Variants in EPHA4 observed in about 807,000 individuals in gnomAD.
EPHA4 encodes ephrin type-A receptor 4.
EPHA4 carries 19 observed loss-of-function variants against 108.3 expected under a neutral mutation model. The ratio of observed to expected loss-of-function variants is 0.18; its 90% CI spans 0.12 to 0.26. The LOEUF (loss-of-function observed/expected upper bound fraction) is 0.26, where lower values mean the gene tolerates loss of function less well. Ranked by LOEUF, EPHA4 falls within the 10% of genes least tolerant of loss-of-function variation. The probability of loss-of-function intolerance (pLI) is 1.00; values close to 1 mark genes in which losing one functional copy is unlikely to be tolerated. For synonymous variants in EPHA4, 449 were observed against 455.5 expected (o/e 0.99, Z 0.18); for missense variants, 917 against 1,254.0 (o/e 0.73, Z 4.06).
intron 4 of EPHA4, among the ~76,000 whole-genome samples, chr2:221,500,376 T>G (rs1692453599): frequency 6.6e-6 from 1 of 152,206 alleles, no homozygotes; most frequent in Non-Finnish European, 1.5e-5. Context: ...AAGGCCCAAG[T>G]GTACATGAAA....
At chr2:221,479,852 T>C (rs1411766561) in intron 5 of EPHA4, among the ~76,000 whole-genome samples, 1 of 152,160 alleles carries the variant, frequency 6.6e-6, no homozygotes, top group African/African-American at 2.4e-5. Context: ...TTATTTTTAA[T>C]TTTGAACAGC....
intron 5 of EPHA4, among the ~76,000 whole-genome samples, chr2:221,463,129 C>A (rs957849251): frequency 7.2e-5 from 11 of 152,096 alleles, no homozygotes; most frequent in African/African-American, 2.7e-4. Context: ...GGTGGAGAGC[C>A]CTTTGCAGTC....
At chr2:221,450,827 T>TGA (rs1690760425) in intron 8 of EPHA4, among the ~76,000 whole-genome samples, 1 of 152,236 alleles carries the variant, frequency 6.6e-6, no homozygotes, top group African/African-American at 2.4e-5. Flanking sequence ...TCAGTAATAC[T>TGA]TTCCCTCACT....
At chr2:221,490,427 C>T (rs1235518447) in intron 4 of EPHA4, among the ~76,000 whole-genome samples, 1 of 152,026 alleles carries the variant, frequency 6.6e-6, no homozygotes, top group Non-Finnish European at 1.5e-5. Flanking sequence ...AAATTCAATG[C>T]CTGGGCTATG....
intron 13 of EPHA4, among the ~76,000 whole-genome samples, chr2:221,435,593 C>T (rs1240024985): frequency 2.6e-5 from 4 of 152,068 alleles, no homozygotes; most frequent in Non-Finnish European, 4.4e-5. Context: ...CTGTCAGCTT[C>T]GTGTTGATTT....
chr2:221,443,382 T>C, intron 10 of EPHA4, 111 bp downstream of exon 10: 2 of 719,114 alleles, frequency 2.8e-6, no homozygotes, highest in Non-Finnish European at 2.3e-6. Flanking sequence ...GGAAATTTCA[T>C]GTATATACAC....
chr2:221,437,177 G>A (rs372413514), intron 11 of EPHA4, 55 bp from the exon 12 acceptor site: 1 of 1,329,548 alleles, frequency 7.5e-7, no homozygotes, highest in Non-Finnish European at 1.1e-6. Context: ...CACTTAATGA[G>A]ATAAAAATGG....
At position 221,571,647 on chromosome 2, in the gene EPHA4, C is replaced by A. The variant is rs776261137; in HGVS notation, c.91+511G>T. 1.3e-5 allele frequency among the ~76,000 whole-genome samples: 2 copies of A among 152,144 alleles called. No homozygotes were observed. Among genetic ancestry groups the A allele is most frequent in the East Asian group, 1.9e-4 (1 of 5,166 alleles). On this transcript the variant is annotated intron_variant, in intron 1 of 17. Transcript: ENST00000281821. This position sits in a 1 kb window ranked among gnomAD's most constrained non-coding sequence, Gnocchi z 6.3. ...GGCGCCTGACGAGCGGCGCCACGAC[C>A]GCTGCGCTGCGGAGCAGGCCCCGCA...
chr2:221,428,534 A>G (rs1689979386), intron 15 of EPHA4, among the ~76,000 whole-genome samples: 1 of 152,222 alleles, frequency 6.6e-6, no homozygotes, highest in African/African-American at 2.4e-5. Flanking sequence ...TAACAGAAGA[A>G]GTACCAAACA....
intron 3 of EPHA4, among the ~76,000 whole-genome samples, chr2:221,559,583 A>T (rs1256438625): frequency 6.6e-6 from 1 of 152,160 alleles, no homozygotes. Flanking sequence ...TTAAAAAAAA[A>T]TTTAATGGAA....
At chr2:221,458,073 T>C (rs775025355) in intron 5 of EPHA4, 83 bp from the exon 6 acceptor site, 3 of 1,526,756 alleles carry the variant, frequency 2.0e-6, no homozygotes, top group Non-Finnish European at 2.7e-6. Context: ...AATTTCATCT[T>C]ATTTAAGAAA....
At chr2:221,549,704 G>A (rs546315377) in intron 3 of EPHA4, among the ~76,000 whole-genome samples, 27 of 152,218 alleles carry the variant, frequency 1.8e-4, no homozygotes, top group African/African-American at 3.1e-4. Flanking sequence ...AAAGCCGGGC[G>A]CAGTGGCTCA....
intron 3 of EPHA4, among the ~76,000 whole-genome samples, chr2:221,504,932 T>C (rs1186118421): frequency 6.6e-6 from 1 of 152,214 alleles, no homozygotes; most frequent in African/African-American, 2.4e-5. Context: ...AGGTCTGACC[T>C]TCAGCAAAAA....
chr2:221,484,926 T>C (rs1043643971), intron 4 of EPHA4, among the ~76,000 whole-genome samples: 6 of 152,182 alleles, frequency 3.9e-5, no homozygotes, highest in African/African-American at 1.4e-4. Context: ...GAGGTGGCAG[T>C]GAGCTATCTT....
intron 4 of EPHA4, among the ~76,000 whole-genome samples, chr2:221,486,707 C>T (rs1020732331): frequency 6.7e-6 from 1 of 150,034 alleles, no homozygotes; most frequent in African/African-American, 2.4e-5. Flanking sequence ...GCACTCCAGC[C>T]TGGGTAACAG....
intron 3 of EPHA4, among the ~76,000 whole-genome samples, chr2:221,539,826 G>T (rs954207699): frequency 4.6e-5 from 7 of 152,204 alleles, no homozygotes; most frequent in African/African-American, 1.7e-4. Flanking sequence ...GAAGGGTGTG[G>T]AGGAGGGGAG....
intron 3 of EPHA4, among the ~76,000 whole-genome samples, chr2:221,563,286 A>G (rs1475014672): frequency 6.6e-6 from 1 of 152,164 alleles, no homozygotes; most frequent in Non-Finnish European, 1.5e-5. Context: ...GGAACAACTT[A>G]ATCCTAATTT....
chr2:221,475,371 A>AT (rs1370058389), intron 5 of EPHA4, among the ~76,000 whole-genome samples: 4 of 152,058 alleles, frequency 2.6e-5, no homozygotes, highest in Admixed American at 6.6e-5. Context: ...ATTTTAGTTA[A>AT]TTTTTTTTCT....
Position 221,458,042 on chromosome 2 carries a change from G to A in EPHA4, c.1319-52C>T, listed in dbSNP as rs372735402. 6.2e-5 allele frequency: 98 copies of A among 1,584,016 alleles called. No homozygotes were observed. The African/African-American group carries it at 7.5e-4, about 12-fold the overall frequency. ...GATATTTTCTTTAGGAAAATAAATG[G>A]TTTTGGTGGTAGCCAGAAATAATTT... On this transcript the variant is annotated intron_variant, in intron 5 of 17. Coordinates refer to ENST00000281821, the MANE Select transcript of EPHA4 (RefSeq NM_004438.5).
Sources: gnomAD v4.1 joint callset for allele counts (sites outside exome capture counted in the v4.1 genomes callset) on GRCh38, gnomAD v4.1.1 for gene constraint, Gnocchi (gnomAD v3.1) non-coding constraint, MANE v1.5 for transcripts, NCBI Gene and HGNC (gene_info 2026-07-23, HGNC 2026-07-21) for gene names.